Variants in THSD4 observed in about 807,000 individuals in gnomAD.
THSD4 encodes the protein thrombospondin type 1 domain containing 4.
A neutral mutation model predicts 119.0 loss-of-function variants in THSD4; 69 were observed. The observed-to-expected ratio is 0.58, with a 90% confidence interval of 0.48 to 0.71. The LOEUF is 0.71. Among genes scored for constraint, THSD4 ranks in the 30% least tolerant of loss-of-function variants. The probability of loss-of-function intolerance (pLI) is 0.00; values close to 1 mark genes in which losing one functional copy is unlikely to be tolerated. For missense variants in THSD4, 1,393 were observed against 1,391.1 expected (o/e 1.00, Z -0.02); for synonymous variants, 524 against 540.4 (o/e 0.97, Z 0.42).
At chr15:71,221,104 C>T (rs1056822967) in intron 4 of THSD4, among the ~76,000 whole-genome samples, 2 of 152,026 alleles carry the variant, frequency 1.3e-5, no homozygotes, top group South Asian at 2.1e-4. Flanking sequence ...CAAAGCATGC[C>T]GCATTGTAGC....
chr15:71,458,661 A>G (rs775376033), intron 7 of THSD4, among the ~76,000 whole-genome samples: 15 of 152,242 alleles, frequency 9.9e-5, no homozygotes, highest in African/African-American at 1.4e-4. Context: ...ATGATAAAGC[A>G]TAAATGTTAA....
chr15:71,371,654 A>G (rs2046051498), intron 6 of THSD4, among the ~76,000 whole-genome samples: 1 of 152,188 alleles, frequency 6.6e-6, no homozygotes, highest in African/African-American at 2.4e-5. Flanking sequence ...ATCCACTGTT[A>G]GTCTGATGGG....
At chr15:71,260,760 C>T (rs1209433786) in intron 6 of THSD4, among the ~76,000 whole-genome samples, 1 of 152,118 alleles carries the variant, frequency 6.6e-6, no homozygotes, top group Non-Finnish European at 1.5e-5. Context: ...GAGGGACTCT[C>T]TCACCTGGTC....
At chr15:71,312,133 C>T (rs907747759) in intron 6 of THSD4, among the ~76,000 whole-genome samples, 6 of 152,176 alleles carry the variant, frequency 3.9e-5, no homozygotes, top group African/African-American at 9.7e-5. Context: ...CATGTTGAGT[C>T]CTAGCTTCCA....
intron 7 of THSD4, among the ~76,000 whole-genome samples, chr15:71,601,281 T>G (rs1431357716): frequency 6.6e-6 from 1 of 152,168 alleles, no homozygotes; most frequent in Non-Finnish European, 1.5e-5. Context: ...GCCTCAATGA[T>G]TGGCTGGGGG....
chr15:71,524,750 C>G (rs1354906910), intron 7 of THSD4, among the ~76,000 whole-genome samples: 1 of 145,182 alleles, frequency 6.9e-6, no homozygotes, highest in South Asian at 2.3e-4. Context: ...GTGCCCACCA[C>G]CACGCCCGGC....
At chr15:71,735,465 T>C (rs1373215596) in intron 10 of THSD4, among the ~76,000 whole-genome samples, 2 of 151,110 alleles carry the variant, frequency 1.3e-5, no homozygotes, top group African/African-American at 4.9e-5. Flanking sequence ...TCTCTCTCTC[T>C]CTCTCTTTCT....
At chr15:71,581,174 A>G (rs1343081904) in intron 7 of THSD4, among the ~76,000 whole-genome samples, 3 of 152,148 alleles carry the variant, frequency 2.0e-5, no homozygotes, top group African/African-American at 7.2e-5. Context: ...TTGCATTTCC[A>G]TCAACAATGT....
At position 71,765,018 on chromosome 15, in the gene THSD4, A is replaced by T; in HGVS notation, c.2590-2A>T. 6.2e-7 allele frequency: 1 copy of T among 1,612,740 alleles called. No homozygotes were observed. The highest frequency in any genetic ancestry group is 1.1e-5 in the South Asian group (1 of 90,796). On this transcript the variant is annotated splice_acceptor_variant, in intron 15 of 17. Coordinates refer to ENST00000261862, the MANE Select transcript of THSD4 (RefSeq NM_024817.3). LOFTEE classifies it high-confidence loss of function. Reference sequence around the variant, plus strand: ...CTCATCTTTTTCTGCTTCTTTCTGCAGTGTTCCATCGAGTGTGGGAGCGGG... The same window carrying T: ...CTCATCTTTTTCTGCTTCTTTCTGCTGTGTTCCATCGAGTGTGGGAGCGGG...
intron 7 of THSD4, among the ~76,000 whole-genome samples, chr15:71,442,568 C>CAAAAAA (rs71154770): frequency 0.013 from 433 of 33,406 alleles, 34 homozygotes; most frequent in Non-Finnish European, 0.022. Context: ...AACTCCATCT[C>CAAAAAA]AAAAAAAAAA....
intron 7 of THSD4, among the ~76,000 whole-genome samples, chr15:71,441,676 A>G (rs1020892519): frequency 1.3e-5 from 2 of 151,904 alleles, no homozygotes; most frequent in African/African-American, 4.8e-5. Context: ...TACAGGCGTG[A>G]GCCACCATGT....
chr15:71,400,517 T>C (rs1026065390), intron 6 of THSD4, among the ~76,000 whole-genome samples: 3 of 152,184 alleles, frequency 2.0e-5, no homozygotes, highest in Non-Finnish European at 4.4e-5. Flanking sequence ...GGATACTTTG[T>C]CATAAACAGG....
In THSD4 at chr15:71,215,102, G is replaced by T; in HGVS notation, c.167G>T (p.Trp56Leu). The T allele has an allele frequency of 7.5e-7, 1 of 1,330,176 alleles. No homozygotes were observed. The highest frequency in any genetic ancestry group is 2.1e-5 in the South Asian group (1 of 48,166). The allele number at this position is 1,330,176 out of a possible 1,614,324, so 82.4% of individuals were successfully genotyped here. ...GGCGGCGGCGGCGCCCCGGGAGTGT[G>T]GGGCGCCTGGGGCCCCTGGTCGGCC... ...DDGGGGAPGV[W>L]GAWGPWSACS... is the part of the protein sequence containing the mutation. Residue 56 changes from tryptophan to leucine, a missense_variant, in exon 4 of 18, where the codon TGG (tryptophan) becomes TTG (leucine). By Grantham distance (61) the Trp-to-Leu change is moderately conservative. Transcript: ENST00000261862.
intron 6 of THSD4, among the ~76,000 whole-genome samples, chr15:71,354,454 GT>G (rs1190738664): frequency 1.3e-5 from 2 of 152,174 alleles, no homozygotes; most frequent in African/African-American, 4.8e-5. Flanking sequence ...AGCCATCTTT[GT>G]TTTTTAATTG....
intron 1 of THSD4, among the ~76,000 whole-genome samples, chr15:71,138,224 G>T (rs2040568643): frequency 6.6e-6 from 1 of 152,168 alleles, no homozygotes; most frequent in East Asian, 1.9e-4. Context: ...CATGGCGGCA[G>T]GTGAGAGAGA....
chr15:71,663,821 G>A (rs951223479), intron 8 of THSD4, among the ~76,000 whole-genome samples: 12 of 152,044 alleles, frequency 7.9e-5, no homozygotes, highest in African/African-American at 2.9e-4. Context: ...GAGGGTTCTG[G>A]TTTTCTTACC....
chr15:71,193,224 A>G (rs1326416912), intron 3 of THSD4, among the ~76,000 whole-genome samples: 1 of 152,158 alleles, frequency 6.6e-6, no homozygotes, highest in Non-Finnish European at 1.5e-5. Context: ...CTGGGCGTCC[A>G]CACTCAGAAA....
chr15:71,620,091 A>G (rs1417089532), intron 7 of THSD4, among the ~76,000 whole-genome samples: 1 of 152,174 alleles, frequency 6.6e-6, no homozygotes, highest in East Asian at 1.9e-4. Context: ...AGAAGGAGGC[A>G]TAGAGGAAAC....
At chr15:71,348,841 A>G (rs1011587253) in intron 6 of THSD4, among the ~76,000 whole-genome samples, 1 of 152,256 alleles carries the variant, frequency 6.6e-6, no homozygotes, top group South Asian at 2.1e-4. Context: ...AGACAGCAGC[A>G]TCTTTGGAGT....
Sources: allele counts gnomAD v4.1 joint callset (sites outside exome capture counted in the v4.1 genomes callset), GRCh38; gene constraint gnomAD v4.1.1; transcripts MANE v1.5; gene names NCBI Gene and HGNC (gene_info 2026-07-23, HGNC 2026-07-21).